The following TBC1D1 variants were observed in gnomAD, a reference collection of about 807,000 sequenced individuals.
TBC1D1 encodes TBC1 (tre-2/USP6, BUB2, cdc16) domain family, member 1.
In TBC1D1, 89 loss-of-function variants were observed where a neutral mutation model predicts 125.6. That is an observed-to-expected ratio of 0.71 (90% CI 0.60 to 0.85). The LOEUF is 0.85. TBC1D1 is among the 40% of genes least tolerant of loss of function. The pLI, the probability that TBC1D1 is intolerant of heterozygous loss-of-function variation, is 0.00. For missense variants in TBC1D1, 1,377 were observed against 1,469.2 expected (o/e 0.94, Z 1.03); for synonymous variants, 565 against 564.1 (o/e 1.00, Z -0.02).
At chr4:38,077,570 A>G (rs1489374347) in intron 12 of TBC1D1, among the ~76,000 whole-genome samples, 1 of 151,702 alleles carries the variant, frequency 6.6e-6, no homozygotes, top group Non-Finnish European at 1.5e-5. Context: ...GCCCATCTAT[A>G]TTATAAATGT....
intron 14 of TBC1D1, among the ~76,000 whole-genome samples, chr4:38,098,184 G>A (rs1329802452): frequency 1.3e-5 from 2 of 152,232 alleles, no homozygotes; most frequent in Non-Finnish European, 1.5e-5. Context: ...GGATCTTGGA[G>A]CTGTCTTGGA....
chr4:38,109,013 G>A (rs957184515), intron 15 of TBC1D1, among the ~76,000 whole-genome samples: 3 of 152,222 alleles, frequency 2.0e-5, no homozygotes, highest in Non-Finnish European at 2.9e-5. Context: ...TGAGGGGCAG[G>A]TGGAGCTGCT....
chr4:38,029,046 G>A (rs1174797627), intron 7 of TBC1D1, among the ~76,000 whole-genome samples: 1 of 152,134 alleles, frequency 6.6e-6, no homozygotes, highest in African/African-American at 2.4e-5. Context: ...GGGAGACCAT[G>A]CTGTGTGTGC....
chr4:38,101,679 C>T (rs569510456), intron 14 of TBC1D1, among the ~76,000 whole-genome samples: 64 of 152,324 alleles, frequency 4.2e-4, no homozygotes, highest in Middle Eastern at 3.4e-3. Context: ...AAAGAAGCCT[C>T]ATCAGAATTC....
In TBC1D1 at chr4:38,138,862, C is replaced by T. The variant is rs749119368; in HGVS notation, c.*1527C>T. ...ACTGTGAGTCTCCCCGGCCATTTCA[C>T]GAGGAGACCACAGTGCTGCCACCAG... On this transcript the variant is annotated 3_prime_UTR_variant, in exon 20 of 20. Coordinates refer to ENST00000261439, the MANE Select transcript of TBC1D1 (RefSeq NM_015173.4). 2 of 152,598 alleles carry T rather than the reference C, an allele frequency of 1.3e-5. No individual in the cohort carries two copies. Among genetic ancestry groups the T allele is most frequent in the Admixed American group, 6.5e-5 (1 of 15,286 alleles). The allele number at this position is 152,598 out of a possible 1,614,324, so 9.5% of individuals were successfully genotyped here.
intron 2 of TBC1D1, among the ~76,000 whole-genome samples, chr4:37,986,393 AT>A (rs1219139886): frequency 1.2e-4 from 18 of 152,374 alleles, no homozygotes; most frequent in African/African-American, 4.3e-4. Flanking sequence ...TTTTACTAAA[AT>A]CAAAACTATG....
intron 2 of TBC1D1, among the ~76,000 whole-genome samples, chr4:38,013,542 GC>G (rs1002031156): frequency 6.6e-6 from 1 of 152,140 alleles, no homozygotes; most frequent in Non-Finnish European, 1.5e-5. Context: ...TTAAATTTAT[GC>G]CTGCCTTGGC....
chr4:38,031,598 T>C (rs1746147718), intron 7 of TBC1D1, among the ~76,000 whole-genome samples: 1 of 152,186 alleles, frequency 6.6e-6, no homozygotes, highest in African/African-American at 2.4e-5. Context: ...TCAATCAGTG[T>C]TGGAAATTGA....
intron 2 of TBC1D1, among the ~76,000 whole-genome samples, chr4:38,002,847 A>G (rs547113673): frequency 1.3e-5 from 2 of 152,324 alleles, no homozygotes; most frequent in African/African-American, 4.8e-5. Context: ...GGAGTCACTT[A>G]TGCTAAAGGT....
intron 2 of TBC1D1, among the ~76,000 whole-genome samples, chr4:37,983,453 A>G (rs115167901): frequency 0.015 from 2,337 of 152,194 alleles, 65 homozygotes; most frequent in African/African-American, 0.053. Context: ...TTCATTCTGT[A>G]TGATGCTTTG....
chr4:38,018,330 A>G, intron 3 of TBC1D1, 24 bp from the exon 4 acceptor site: 1 of 1,560,276 alleles, frequency 6.4e-7, no homozygotes, highest in African/African-American at 1.4e-5. Flanking sequence ...TTGAAAAGCT[A>G]GATTTTTTTG....
At chr4:38,037,825 A>G (rs974167033) in intron 8 of TBC1D1, among the ~76,000 whole-genome samples, 4 of 152,174 alleles carry the variant, frequency 2.6e-5, no homozygotes, top group Non-Finnish European at 5.9e-5. Context: ...CTGTCAGAGG[A>G]GTTGTGAAAT....
intron 17 of TBC1D1, among the ~76,000 whole-genome samples, chr4:38,118,771 A>G (rs1763392761): frequency 6.6e-6 from 1 of 152,216 alleles, no homozygotes; most frequent in Non-Finnish European, 1.5e-5. Flanking sequence ...CTGAGCCCAC[A>G]TGTCACAGCC....
At chr4:37,926,801 C>CT (rs1722221073) in intron 2 of TBC1D1, among the ~76,000 whole-genome samples, 1 of 152,186 alleles carries the variant, frequency 6.6e-6, no homozygotes, top group Non-Finnish European at 1.5e-5. Context: ...TTGGTGGTAG[C>CT]TTTGTCTACA....
intron 14 of TBC1D1, 51 bp downstream of exon 16, chr4:38,096,141 G>A: frequency 6.7e-7 from 1 of 1,482,680 alleles, no homozygotes; most frequent in Non-Finnish European, 9.2e-7. Flanking sequence ...ATTGGTGATT[G>A]GGGAGAAGTG....
chr4:37,979,676 C>G (rs1356929383), intron 2 of TBC1D1, among the ~76,000 whole-genome samples: 1 of 152,244 alleles, frequency 6.6e-6, no homozygotes, highest in Non-Finnish European at 1.5e-5. Context: ...CTTTCCTTTT[C>G]CTTTTTCATT....
Position 38,137,505 on chromosome 4 carries a change from T to C in TBC1D1, c.*170T>C. ...ACTCCAACTTGCAATTCAGGGGGCATGTCCCAGTGTTTTTTTTGTTGTTTT... is the reference window on the plus strand; with the variant it reads ...ACTCCAACTTGCAATTCAGGGGGCACGTCCCAGTGTTTTTTTTGTTGTTTT... On this transcript the variant is annotated 3_prime_UTR_variant, in exon 20 of 20. Coordinates refer to ENST00000261439, the MANE Select transcript of TBC1D1 (RefSeq NM_015173.4). The C allele has an allele frequency of 1.0e-6, 1 of 962,514 alleles. No homozygotes were observed. 59.6% of individuals were successfully genotyped at this position (962,514 alleles called of 1,614,324 possible). A position where few individuals can be genotyped will look rare whatever the true frequency, so the allele number is the denominator to read the frequency against.
chr4:38,052,698 G>A (rs905977685), intron 11 of TBC1D1, among the ~76,000 whole-genome samples: 3 of 144,200 alleles, frequency 2.1e-5, no homozygotes, highest in South Asian at 4.4e-4. Context: ...ACATGCATGC[G>A]TATATACACA....
chr4:38,066,875 A>G (rs879417148), intron 12 of TBC1D1, among the ~76,000 whole-genome samples: 7 of 152,076 alleles, frequency 4.6e-5, no homozygotes, highest in Admixed American at 6.6e-5. Context: ...AGTACTAACA[A>G]GATTTTTTTT....
Sources: gnomAD v4.1 joint callset for allele counts (sites outside exome capture counted in the v4.1 genomes callset) on GRCh38, gnomAD v4.1.1 for gene constraint, MANE v1.5 for transcripts, NCBI Gene and HGNC (gene_info 2026-07-23, HGNC 2026-07-21) for gene names.